ATP7A: variants seen among roughly 807,000 people sequenced by gnomAD.
ATP7A encodes the protein copper-transporting ATPase 1.
A neutral mutation model predicts 83.5 loss-of-function variants in ATP7A; 7 were observed. The ratio of observed to expected loss-of-function variants is 0.08; its 90% CI spans 0.05 to 0.16. The LOEUF (loss-of-function observed/expected upper bound fraction) is 0.16, where lower values mean the gene tolerates loss of function less well. Ranked by LOEUF, ATP7A falls within the 10% of genes least tolerant of loss-of-function variation. The pLI, the probability that ATP7A is intolerant of heterozygous loss-of-function variation, is 1.00. For missense variants in ATP7A, 940 were observed against 1,120.8 expected, an observed-to-expected ratio of 0.84 and a Z score of 2.30; for synonymous variants, 354 against 395.2, an observed-to-expected ratio of 0.90 and a Z score of 1.24.
chrX:77,990,528 G>A (rs189360113), intron 4 of ATP7A, among the ~76,000 whole-genome samples: 1 of 111,371 alleles, frequency 9.0e-6, no homozygotes, highest in African/African-American at 3.2e-5. Context: ...ATATAATGGG[G>A]GAAGCCAGTG....
At chrX:78,013,396 C>A (rs1603385753) in intron 10 of ATP7A, among the ~76,000 whole-genome samples, 1 of 111,496 alleles carries the variant, frequency 9.0e-6, no homozygotes, top group South Asian at 3.7e-4. Flanking sequence ...ATTGACATGA[C>A]CACATGGTTT....
intron 2 of ATP7A, among the ~76,000 whole-genome samples, chrX:77,980,725 GT>G (rs2077600251): frequency 9.0e-6 from 1 of 110,855 alleles, no homozygotes; most frequent in Non-Finnish European, 1.9e-5. Flanking sequence ...CTGGAGTGCA[GT>G]GGTGCGATCT....
At chrX:78,000,944 C>A (rs1557233070) in intron 5 of ATP7A, among the ~76,000 whole-genome samples, 4 of 111,655 alleles carry the variant, frequency 3.6e-5, no homozygotes. Context: ...GGATTACAGG[C>A]ATGGGCCACC....
intron 11 of ATP7A, among the ~76,000 whole-genome samples, 160 bp from the exon 12 acceptor site, chrX:78,015,594 A>G (rs2077856727): frequency 8.9e-6 from 1 of 112,257 alleles, no homozygotes. Flanking sequence ...ACTAACAGTA[A>G]GCAAGACTGA....
Position 78,013,004 on chromosome X carries a change from A to C in ATP7A, c.2298A>C (p.Leu766=). The C allele has an allele frequency of 8.3e-7, 1 of 1,210,569 alleles. No individual in the cohort carries two copies. The highest frequency in any genetic ancestry group is 1.8e-5 in the South Asian group (1 of 56,960). The change falls in exon 10 of 23, where the codon CTA becomes CTC. Residue 766 remains leucine (L), a synonymous_variant. Coordinates refer to ENST00000341514, the MANE Select transcript of ATP7A (RefSeq NM_000052.7). ...IAFAYSLIIL[L]VAMYERAKVN... ...TTGCCTACTCTTTGATTATTCTTCTAGTTGCAATGTATGAGAGAGCCAAAG... is the reference window on the plus strand; with the variant it reads ...TTGCCTACTCTTTGATTATTCTTCTCGTTGCAATGTATGAGAGAGCCAAAG...
intron 3 of ATP7A, 108 bp downstream of exon 3, chrX:77,988,839 G>T (rs148390231): frequency 1.2e-4 from 118 of 978,799 alleles, no homozygotes; most frequent in Middle Eastern, 2.7e-4. Context: ...AGACTAGAGT[G>T]CTTGCTGTAT....
chrX:77,972,869 T>A (rs1280524927), intron 2 of ATP7A, among the ~76,000 whole-genome samples: 1 of 108,889 alleles, frequency 9.2e-6, no homozygotes, highest in African/African-American at 3.3e-5. Flanking sequence ...TGTTTGTTTG[T>A]TTTTCAGACT....
intron 10 of ATP7A, among the ~76,000 whole-genome samples, chrX:78,014,160 C>T (rs984923088): frequency 2.7e-5 from 3 of 110,450 alleles, no homozygotes; most frequent in Non-Finnish European, 5.7e-5. Context: ...GTAATCCCAG[C>T]GCTTTGGGAG....
At chrX:78,016,480 C>T (rs2077865062) in intron 12 of ATP7A, among the ~76,000 whole-genome samples, 1 of 111,069 alleles carries the variant, frequency 9.0e-6, no homozygotes, top group Non-Finnish European at 1.9e-5. Flanking sequence ...CCAACAGTCC[C>T]CCAAAGTCTT....
chrX:77,969,523 T>G, intron 1 of ATP7A: 1 of 1,211,192 alleles, frequency 8.3e-7, no homozygotes, highest in Non-Finnish European at 1.1e-6. Context: ...CCCGCCGCGC[T>G]TCGCCTCCTC....
intron 19 of ATP7A, among the ~76,000 whole-genome samples, chrX:78,042,134 A>AG (rs1557238505): frequency 9.1e-6 from 1 of 109,791 alleles, no homozygotes; most frequent in East Asian, 2.8e-4. Context: ...AAAAAAAAAA[A>AG]AAGTTACAAA....
intron 4 of ATP7A, among the ~76,000 whole-genome samples, chrX:77,990,906 G>C (rs782639780): frequency 1.8e-5 from 2 of 112,035 alleles, no homozygotes; most frequent in South Asian, 7.3e-4. Flanking sequence ...CACTAAATCT[G>C]AGTAAAAAAT....
At chrX:77,981,563 A>G (rs782594802) in intron 2 of ATP7A, among the ~76,000 whole-genome samples, 55 of 112,231 alleles carry the variant, frequency 4.9e-4, no homozygotes, top group African/African-American at 1.6e-3. Context: ...TAATCCCAGT[A>G]CTTTGGGAGG....
chrX:77,958,979 G>C (rs782385791), intron 1 of ATP7A, among the ~76,000 whole-genome samples: 4 of 108,806 alleles, frequency 3.7e-5, no homozygotes, highest in Admixed American at 2.0e-4. Context: ...GTAGCGATAG[G>C]GTTTCTCCAT....
intron 2 of ATP7A, among the ~76,000 whole-genome samples, chrX:77,980,671 T>C (rs1236913610): frequency 2.7e-5 from 3 of 110,500 alleles, no homozygotes; most frequent in African/African-American, 9.9e-5. Context: ...AAAACTTTTT[T>C]TTAAATTATT....
chrX:77,917,265 G>C (rs2077190071), intron 1 of ATP7A, among the ~76,000 whole-genome samples: 2 of 112,020 alleles, frequency 1.8e-5, no homozygotes, highest in African/African-American at 6.5e-5. Context: ...GCAAGTGATA[G>C]ATGCAGACCA....
At chrX:77,933,404 C>G (rs2077300685) in intron 1 of ATP7A, among the ~76,000 whole-genome samples, 1 of 111,761 alleles carries the variant, frequency 8.9e-6, no homozygotes, top group African/African-American at 3.3e-5. Flanking sequence ...TCTCATGGAG[C>G]TTATGTTCTG....
intron 1 of ATP7A, among the ~76,000 whole-genome samples, chrX:77,931,580 G>A (rs2077275682): frequency 9.0e-6 from 1 of 111,637 alleles, no homozygotes; most frequent in South Asian, 3.7e-4. Context: ...TCACATCCCA[G>A]TAGGGGCGGC....
rs782711185 is a variant in ATP7A, at chrX:78,038,994, C to T, written c.3658+12C>T. The T allele has an allele frequency of 8.3e-7, 1 of 1,205,053 alleles. No individual in the cohort carries two copies. Among genetic ancestry groups the T allele is most frequent in the Non-Finnish European group, 1.1e-6 (1 of 889,818 alleles). On this transcript the variant is annotated intron_variant, in intron 18 of 22. Coordinates refer to ENST00000341514, the MANE Select transcript of ATP7A (RefSeq NM_000052.7). ...AGTAGCAGTTGATGGTAAGGTTTTC[C>T]ATAAGTATGCTATAACTCAATGTTT... is the stretch of plus-strand genomic sequence containing the variant.
Sources: allele counts gnomAD v4.1 joint callset (sites outside exome capture counted in the v4.1 genomes callset), GRCh38; gene constraint gnomAD v4.1.1; transcripts MANE v1.5; gene names NCBI Gene and HGNC (gene_info 2026-07-23, HGNC 2026-07-21).